The following ITGB5 variants were observed in gnomAD, a reference collection of about 807,000 sequenced individuals.
ITGB5 encodes integrin subunit beta 5.
A neutral mutation model predicts 84.8 loss-of-function variants in ITGB5; 38 were observed. That is an observed-to-expected ratio of 0.45 (90% CI 0.35 to 0.59). ITGB5 has a LOEUF of 0.59. Among genes scored for constraint, ITGB5 ranks in the 20% least tolerant of loss-of-function variants. The pLI is 0.01. For synonymous variants in ITGB5, 393 were observed against 414.4 expected, an observed-to-expected ratio of 0.95 and a Z score of 0.63; for missense variants, 905 against 1,034.5, an observed-to-expected ratio of 0.87 and a Z score of 1.72.
intron 9 of ITGB5, among the ~76,000 whole-genome samples, chr3:124,807,216 G>A (rs2064418590): frequency 6.6e-6 from 1 of 152,180 alleles, no homozygotes; most frequent in East Asian, 1.9e-4. Flanking sequence ...AGAAGTTCAA[G>A]ACCAGCCTGA....
chr3:124,889,833 G>A (rs370961917), upstream of ITGB5, among the ~76,000 whole-genome samples: 32 of 152,268 alleles, frequency 2.1e-4, no homozygotes, highest in South Asian at 6.6e-3. Context: ...GCTAAACATG[G>A]CGAAACCCTG....
rs763162297 is a variant in ITGB5, at chr3:124,769,083, A to C, written c.1947T>G (p.Ser649=). Residue 649 remains serine, a synonymous_variant, in exon 12 of 15, where the codon TCT becomes TCG. Transcript: ENST00000296181. ...RDCVECLLLH[S]GKPDNQTCHS... Reference sequence around the variant, plus strand: ...GGCAGGTCTGGTTGTCAGGTTTCCCAGAGTGGAGCAGCAGGCACTCGACGC... The same window carrying C: ...GGCAGGTCTGGTTGTCAGGTTTCCCCGAGTGGAGCAGCAGGCACTCGACGC... 82 of 1,613,836 alleles carry C rather than the reference A, an allele frequency of 5.1e-5. No homozygotes were observed. Among genetic ancestry groups the C allele is most frequent in the Non-Finnish European group, 6.7e-5 (79 of 1,180,026 alleles).
In ITGB5 at chr3:124,834,771, G is replaced by C. The variant is rs538241331; in HGVS notation, c.780+6612C>G. 5.9e-5 allele frequency among the ~76,000 whole-genome samples: 9 copies of C among 152,276 alleles called. No individual in the cohort carries two copies. In the East Asian group the frequency reaches 1.5e-3, roughly 26 times the overall value. ...AATACAGGAATGGAGTATCCAAACA[G>C]AGGAAACAACACATGCAAAGGCCTT... On this transcript the variant is annotated intron_variant, in intron 5 of 14. Coordinates refer to ENST00000296181, the MANE Select transcript of ITGB5 (RefSeq NM_002213.5).
At chr3:124,818,502 C>CTTT (rs143582866) in intron 7 of ITGB5, among the ~76,000 whole-genome samples, 8 of 68,214 alleles carry the variant, frequency 1.2e-4, no homozygotes, top group East Asian at 4.7e-4. Flanking sequence ...AGTGCATAGG[C>CTTT]TTTTTTTTTT....
intron 1 of ITGB5, among the ~76,000 whole-genome samples, chr3:124,884,097 TTC>T (rs1934696162): frequency 1.3e-5 from 2 of 152,064 alleles, no homozygotes; most frequent in Non-Finnish European, 2.9e-5. Flanking sequence ...TCTCTTTCTT[TTC>T]TCTGAGTAAC....
rs200612182 is a variant in ITGB5, at chr3:124,859,356, C to T, written c.247G>A (p.Ala83Thr). The change falls in exon 3 of 15, where the codon GCC becomes ACC. Residue 83 changes from alanine to threonine, a missense_variant. By Grantham distance (58) the Ala-to-Thr change is moderately conservative. Transcript: ENST00000296181. Reference sequence around the variant, plus strand: ...CTCCTCAGGACATGGAAGCTGCTGGCTGGGCTCTCTATCTCACCTCCACAG... The same window carrying T: ...CTCCTCAGGACATGGAAGCTGCTGGTTGGGCTCTCTATCTCACCTCCACAG... ...NGCGGEIESP[A>T]SSFHVLRSLP... 3 of 1,614,122 alleles carry T rather than the reference C, an allele frequency of 1.9e-6. No homozygotes were observed. Among genetic ancestry groups the T allele is most frequent in the Admixed American group, 3.3e-5 (2 of 60,020 alleles).
intron 10 of ITGB5, among the ~76,000 whole-genome samples, chr3:124,774,823 C>A (rs2063899555): frequency 6.6e-6 from 1 of 152,216 alleles, no homozygotes; most frequent in African/African-American, 2.4e-5. Flanking sequence ...CTCACCAGTG[C>A]TTCCTATATG....
intron 8 of ITGB5, among the ~76,000 whole-genome samples, chr3:124,816,493 G>GT (rs1298040625): frequency 6.6e-6 from 1 of 152,202 alleles, no homozygotes; most frequent in African/African-American, 2.4e-5. Flanking sequence ...GTATAACTTA[G>GT]TTTTAACAGG....
intron 7 of ITGB5, among the ~76,000 whole-genome samples, chr3:124,818,966 A>G (rs1467463437): frequency 1.3e-5 from 2 of 152,180 alleles, no homozygotes; most frequent in East Asian, 3.8e-4. Flanking sequence ...TTCATCACGT[A>G]AAAGAATCTC....
In ITGB5 at chr3:124,796,829, G is replaced by A. The variant is rs202122062; in HGVS notation, c.1264-12C>T. ...ACTTCAAAAGATGCCTGGGCAGAAG[G>A]AAGAGAAGGGATATCATGGCTGCGG... On this transcript the variant is annotated splice_polypyrimidine_tract_variant and intron_variant, in intron 9 of 14. Coordinates refer to ENST00000296181, the MANE Select transcript of ITGB5 (RefSeq NM_002213.5). 7.7e-5 allele frequency: 121 copies of A among 1,581,616 alleles called. 1 individual carries two copies. Among genetic ancestry groups the A allele is most frequent in the Non-Finnish European group, 1.7e-6 (2 of 1,160,908 alleles).
intron 13 of ITGB5, among the ~76,000 whole-genome samples, 195 bp from the exon 14 acceptor site, chr3:124,764,752 TCA>T (rs1197246441): frequency 2.0e-5 from 3 of 152,354 alleles, no homozygotes; most frequent in African/African-American, 7.2e-5. Flanking sequence ...TGTTCTAAAG[TCA>T]CACAGCAAGT....
At chr3:124,835,673 G>C (rs2064925183) in intron 5 of ITGB5, among the ~76,000 whole-genome samples, 1 of 152,258 alleles carries the variant, frequency 6.6e-6, no homozygotes, top group Admixed American at 6.5e-5. Context: ...GGTTTGAGGA[G>C]TGGGGGGATG....
chr3:124,844,730 C>T (rs1358803737), intron 4 of ITGB5, among the ~76,000 whole-genome samples: 2 of 152,184 alleles, frequency 1.3e-5, no homozygotes, highest in African/African-American at 4.8e-5. Flanking sequence ...TAAAGCCGAA[C>T]AGCACAATGA....
chr3:124,821,227 G>A, intron 6 of ITGB5, 86 bp downstream of exon 6: 2 of 1,429,770 alleles, frequency 1.4e-6, no homozygotes, highest in East Asian at 2.5e-5. Flanking sequence ...GCCAGAGGAA[G>A]GTTTCAAGGC....
At chr3:124,805,145 CT>C in intron 9 of ITGB5, among the ~76,000 whole-genome samples, 1 of 144,154 alleles carries the variant, frequency 6.9e-6, no homozygotes, top group Non-Finnish European at 1.5e-5. Context: ...CTCTCTCTCT[CT>C]CTCTTTCTTT....
At chr3:124,780,009 G>T (rs1365100579) in intron 10 of ITGB5, among the ~76,000 whole-genome samples, 1 of 152,226 alleles carries the variant, frequency 6.6e-6, no homozygotes, top group African/African-American at 2.4e-5. Flanking sequence ...CCTTGGCGGG[G>T]AGGCTCACAC....
intron 8 of ITGB5, among the ~76,000 whole-genome samples, chr3:124,809,648 C>G (rs1245256138): frequency 6.6e-6 from 1 of 151,976 alleles, no homozygotes; most frequent in Non-Finnish European, 1.5e-5. Context: ...GCACTTTCTC[C>G]AGGAATACAC....
chr3:124,857,095 A>G (rs766399388), intron 3 of ITGB5: 7 of 152,188 alleles, frequency 4.6e-5, no homozygotes, highest in Non-Finnish European at 1.0e-4. Context: ...TTTGTTTCTT[A>G]TTTTCAAGAC....
At chr3:124,813,191 C>T (rs1254644704) in intron 8 of ITGB5, among the ~76,000 whole-genome samples, 1 of 152,172 alleles carries the variant, frequency 6.6e-6, no homozygotes, top group African/African-American at 2.4e-5. Flanking sequence ...GAAGCCCAGC[C>T]CAGCCTTTCC....
Sources: allele counts gnomAD v4.1 joint callset (sites outside exome capture counted in the v4.1 genomes callset), GRCh38; gene constraint gnomAD v4.1.1; transcripts MANE v1.5; gene names NCBI Gene and HGNC (gene_info 2026-07-23, HGNC 2026-07-21).